The following DIPK2B variants were observed in gnomAD, a reference collection of about 807,000 sequenced individuals.
The protein encoded by DIPK2B is UPF0672 protein CXorf36.
Under a neutral mutation model 22.2 loss-of-function variants are expected in DIPK2B, and 15 were observed. The ratio of observed to expected loss-of-function variants is 0.68; its 90% CI spans 0.45 to 1.04. The LOEUF (loss-of-function observed/expected upper bound fraction) is 1.04, where lower values mean the gene tolerates loss of function less well. Among genes scored for constraint, DIPK2B ranks in the 50% least tolerant of loss-of-function variants. The pLI is 0.00. For synonymous variants in DIPK2B, 163 were observed against 153.2 expected (o/e 1.06, Z -0.47); for missense variants, 345 against 348.3 (o/e 0.99, Z 0.08).
intron 2 of DIPK2B, among the ~76,000 whole-genome samples, chrX:45,187,468 G>GCGCGCACACA (rs1556403888): frequency 1.2e-4 from 12 of 98,478 alleles, no homozygotes; most frequent in African/African-American, 3.3e-4. Context: ...GCGCGCGCGC[G>GCGCGCACACA]CACACACACA....
chrX:45,190,791 A>G (rs747126352), intron 2 of DIPK2B, among the ~76,000 whole-genome samples: 90 of 112,598 alleles, frequency 8.0e-4, no homozygotes, highest in Middle Eastern at 4.6e-3. Flanking sequence ...ATGTACTCAT[A>G]GAGTGCAGAC....
At chrX:45,169,770 C>G in intron 2 of DIPK2B, among the ~76,000 whole-genome samples, 1 of 112,323 alleles carries the variant, frequency 8.9e-6, no homozygotes, top group Non-Finnish European at 1.9e-5. Flanking sequence ...ATGACTATAA[C>G]TGACACAGGA....
chrX:45,175,218 A>T (rs766933322), intron 2 of DIPK2B, among the ~76,000 whole-genome samples: 66 of 111,739 alleles, frequency 5.9e-4, no homozygotes, highest in African/African-American at 2.1e-3. Flanking sequence ...TGTCTCAAAG[A>T]CCTAACATGA....
intron 2 of DIPK2B, among the ~76,000 whole-genome samples, chrX:45,172,883 C>T (rs927057154): frequency 1.8e-5 from 2 of 111,704 alleles, no homozygotes; most frequent in Middle Eastern, 4.6e-3. Flanking sequence ...ACAACTCATT[C>T]GTGCATCCAA....
intron 2 of DIPK2B, chrX:45,162,887 TGGTTCAGGG>T: frequency 1.3e-6 from 1 of 754,106 alleles, no homozygotes; most frequent in Non-Finnish European, 1.6e-6. Flanking sequence ...TAGGGGCCTT[TGGTTCAGGG>T]TGATGCTGAG....
In DIPK2B at chrX:45,200,828, T is replaced by C. The variant is rs1023883808; in HGVS notation, c.-2A>G. The C allele has an allele frequency of 6.0e-6, 7 of 1,171,050 alleles. No individual in the cohort carries two copies. The African/African-American group carries it at 1.1e-4, about 18-fold the overall frequency. On this transcript the variant is annotated 5_prime_UTR_variant, in exon 1 of 5. Coordinates refer to ENST00000398000, the MANE Select transcript of DIPK2B (RefSeq NM_176819.4). The stretch of plus-strand genomic sequence containing the variant: ...CTCAGGCCCCAGCTGGGGCTCCATC[T>C]TGGGCTCTGGGCTCCAGCTGCAGCC...
chrX:45,194,093 A>G lies in DIPK2B; in HGVS notation c.234-2078T>C, dbSNP rs1467597763. ...TTGTTTCAATAAACCTATGAGGCTG[A>G]TACTATTGTTAACATACAGATGAGG... On this transcript the variant is annotated intron_variant, in intron 1 of 4. Transcript: ENST00000398000. Among the ~76,000 whole-genome samples, 4 of 112,068 alleles carry G rather than the reference A, an allele frequency of 3.6e-5. No individual in the cohort carries two copies. The East Asian group carries it at 1.1e-3, about 31-fold the overall frequency.
rs759646349 is a variant in DIPK2B, at chrX:45,192,246, C to T, written c.234-231G>A. 8.9e-5 allele frequency among the ~76,000 whole-genome samples: 10 copies of T among 112,028 alleles called. No individual in the cohort carries two copies. The East Asian group carries it at 2.5e-3, about 28-fold the overall frequency. On this transcript the variant is annotated intron_variant, in intron 1 of 4. Coordinates refer to ENST00000398000, the MANE Select transcript of DIPK2B (RefSeq NM_176819.4). ...GTGAGTCACGCACAAACATTATCCTCTTCATACAACTGGCACAGAAAGACT... is the reference window on the plus strand; with the variant it reads ...GTGAGTCACGCACAAACATTATCCTTTTCATACAACTGGCACAGAAAGACT...
At chrX:45,166,149 G>A (rs1603101191) in intron 2 of DIPK2B, among the ~76,000 whole-genome samples, 1 of 111,731 alleles carries the variant, frequency 9.0e-6, no homozygotes, top group Non-Finnish European at 1.9e-5. Context: ...AGAGAGGATG[G>A]GGCAATGCTA....
At chrX:45,192,744 A>G (rs368641138) in intron 1 of DIPK2B, among the ~76,000 whole-genome samples, 11 of 111,916 alleles carry the variant, frequency 9.8e-5, no homozygotes, top group African/African-American at 3.6e-4. Context: ...TGGCCTGGCC[A>G]GTCCTTAATC....
intron 2 of DIPK2B, among the ~76,000 whole-genome samples, chrX:45,191,080 G>A (rs1195071211): frequency 8.9e-6 from 1 of 112,269 alleles, no homozygotes; most frequent in Non-Finnish European, 1.9e-5. Context: ...GGAGGGCCAT[G>A]GCTGTGCTGG....
intron 1 of DIPK2B, among the ~76,000 whole-genome samples, chrX:45,197,829 G>A (rs933131175): frequency 1.8e-5 from 2 of 111,511 alleles, no homozygotes; most frequent in Admixed American, 9.5e-5. Context: ...TCACTTTTAG[G>A]AGTTTGTCAT....
intron 4 of DIPK2B, 26 bp downstream of exon 4, chrX:45,153,884 T>C (rs775053239): frequency 8.4e-7 from 1 of 1,192,922 alleles, no homozygotes; most frequent in Non-Finnish European, 1.1e-6. Flanking sequence ...CTCTGACAGC[T>C]GCTCAGCCAG....
At chrX:45,191,370 A>G (rs986261586) in intron 2 of DIPK2B, 2 of 173,568 alleles carry the variant, frequency 1.2e-5, no homozygotes, top group Non-Finnish European at 2.2e-5. Flanking sequence ...CTTCTAAGAG[A>G]GAATACTCAG....
intron 2 of DIPK2B, chrX:45,191,505 T>C (rs1051224479): frequency 3.8e-4 from 139 of 366,551 alleles, no homozygotes; most frequent in Non-Finnish European, 5.1e-4. Context: ...CTAGGAACTT[T>C]CTCGAATCGT....
intron 1 of DIPK2B, among the ~76,000 whole-genome samples, chrX:45,194,953 G>A (rs900372598): frequency 5.4e-5 from 6 of 112,028 alleles, no homozygotes; most frequent in African/African-American, 1.6e-4. Flanking sequence ...CCGCTGAGAC[G>A]ACAGCACTGC....
chrX:45,157,407 C>T (rs893915495), intron 3 of DIPK2B, among the ~76,000 whole-genome samples: 1 of 111,819 alleles, frequency 8.9e-6, no homozygotes, highest in African/African-American at 3.3e-5. Flanking sequence ...CCCCATCTGA[C>T]TAATCTTTGA....
At chrX:45,153,474 T>TTTTGTG (rs1556394303) in intron 4 of DIPK2B, among the ~76,000 whole-genome samples, 1 of 73,853 alleles carries the variant, frequency 1.4e-5, no homozygotes, top group Non-Finnish European at 2.6e-5. Context: ...CCCAAAAGTT[T>TTTTGTG]TGTGTGTGTG....
chrX:45,172,536 T>C (rs1036098012), intron 2 of DIPK2B, among the ~76,000 whole-genome samples: 2 of 111,237 alleles, frequency 1.8e-5, no homozygotes, highest in African/African-American at 6.6e-5. Flanking sequence ...CCCTTCCTAT[T>C]AAAGACTCTT....
Sources: gnomAD v4.1 joint callset for allele counts (sites outside exome capture counted in the v4.1 genomes callset) on GRCh38, gnomAD v4.1.1 for gene constraint, MANE v1.5 for transcripts, NCBI Gene and HGNC (gene_info 2026-07-23, HGNC 2026-07-21) for gene names.